Variants in MAGI1 observed in about 807,000 individuals in gnomAD.
The protein encoded by MAGI1 is membrane-associated guanylate kinase, WW and PDZ domain-containing protein 1.
A neutral mutation model predicts 139.9 loss-of-function variants in MAGI1; 58 were observed. The observed-to-expected ratio is 0.41, with a 90% confidence interval of 0.34 to 0.52. The LOEUF (loss-of-function observed/expected upper bound fraction) is 0.52. Among genes scored for constraint, MAGI1 ranks in the 20% least tolerant of loss-of-function variants. MAGI1 has a pLI of 0.12. For synonymous variants in MAGI1, 812 were observed against 737.9 expected (o/e 1.10, Z -1.63); for missense variants, 1,874 against 1,901.6 (o/e 0.99, Z 0.27).
At chr3:65,572,495 G>A (rs1559682615) in intron 2 of MAGI1, among the ~76,000 whole-genome samples, 1 of 152,146 alleles carries the variant, frequency 6.6e-6, no homozygotes. Flanking sequence ...TCCAGGGGAA[G>A]AAAGACTGCA....
chr3:65,391,510 A>C (rs1291681091), intron 13 of MAGI1, 152 bp from the exon 14 acceptor site: 1 of 640,600 alleles, frequency 1.6e-6, no homozygotes, highest in Admixed American at 2.8e-5. Context: ...GCTAATGCTG[A>C]ATGTAGATAA....
chr3:65,391,449 C>G, intron 13 of MAGI1, 91 bp from the exon 14 acceptor site: 1 of 1,007,266 alleles, frequency 9.9e-7, no homozygotes. Context: ...TTGTTTAGCA[C>G]TTTTGCATAC....
At chr3:65,898,635 G>A (rs1209799096) in intron 1 of MAGI1, among the ~76,000 whole-genome samples, 3 of 152,010 alleles carry the variant, frequency 2.0e-5, no homozygotes, top group African/African-American at 7.3e-5. Context: ...AGTATACAAA[G>A]TCCTTCAAAA....
At chr3:65,614,819 A>G (rs2083288646) in intron 2 of MAGI1, among the ~76,000 whole-genome samples, 1 of 152,112 alleles carries the variant, frequency 6.6e-6, no homozygotes, top group South Asian at 2.1e-4. Context: ...GCTCTAGATA[A>G]GCTGTAAGGA....
chr3:65,549,126 C>T (rs1361969018), intron 2 of MAGI1, among the ~76,000 whole-genome samples: 1 of 152,100 alleles, frequency 6.6e-6, no homozygotes, highest in Non-Finnish European at 1.5e-5. Context: ...AGATGCTCGC[C>T]CAAGAAACAT....
intron 1 of MAGI1, among the ~76,000 whole-genome samples, chr3:65,724,599 A>G (rs986541059): frequency 6.6e-6 from 1 of 152,226 alleles, no homozygotes; most frequent in Non-Finnish European, 1.5e-5. Context: ...CATTTGTTAA[A>G]TATATAAATG....
intron 1 of MAGI1, among the ~76,000 whole-genome samples, chr3:65,713,555 C>A (rs551056031): frequency 1.0e-3 from 153 of 152,272 alleles, no homozygotes; most frequent in African/African-American, 3.6e-3. Flanking sequence ...TAAGCCCCAA[C>A]AATTTTTGAG....
intron 1 of MAGI1, among the ~76,000 whole-genome samples, chr3:65,860,507 G>A (rs1284444473): frequency 6.6e-6 from 1 of 152,192 alleles, no homozygotes; most frequent in Non-Finnish European, 1.5e-5. Flanking sequence ...GGCAGCCCGC[G>A]CGTTCCCCTC....
intron 1 of MAGI1, among the ~76,000 whole-genome samples, chr3:65,693,609 C>T (rs1421306419): frequency 5.3e-5 from 8 of 152,164 alleles, no homozygotes; most frequent in African/African-American, 1.9e-4. Flanking sequence ...AAGAGGAATC[C>T]AGGTTAGCCT....
chr3:65,993,584 T>C (rs2066289541), intron 1 of MAGI1, among the ~76,000 whole-genome samples: 1 of 152,240 alleles, frequency 6.6e-6, no homozygotes. Flanking sequence ...TTCACCATTG[T>C]AGCCTTTACA....
At chr3:65,570,203 A>C (rs147747555) in intron 2 of MAGI1, among the ~76,000 whole-genome samples, 3,875 of 151,530 alleles carry the variant, frequency 0.026, 85 homozygotes, top group Admixed American at 0.049. Flanking sequence ...CCTGGGTTCA[A>C]GAGATTCTCC....
At chr3:65,722,551 T>G (rs1376341224) in intron 1 of MAGI1, among the ~76,000 whole-genome samples, 1 of 152,088 alleles carries the variant, frequency 6.6e-6, no homozygotes, top group Non-Finnish European at 1.5e-5. Context: ...GAGGATTGCT[T>G]GAGCCCAAGA....
intron 1 of MAGI1, among the ~76,000 whole-genome samples, chr3:66,018,903 C>T (rs552605851): frequency 1.1e-3 from 161 of 152,332 alleles, no homozygotes; most frequent in Non-Finnish European, 1.3e-3. Flanking sequence ...CATTGTTCCC[C>T]AGAACTGTTC....
chr3:65,729,010 T>C (rs1326739778), intron 1 of MAGI1, among the ~76,000 whole-genome samples: 1 of 151,414 alleles, frequency 6.6e-6, no homozygotes, highest in Non-Finnish European at 1.5e-5. Flanking sequence ...TTTGATCTGA[T>C]TAAATCAAGT....
At position 65,517,017 on chromosome 3, in the gene MAGI1, C is replaced by T. The variant is rs561821976; in HGVS notation, c.431-23386G>A. On this transcript the variant is annotated intron_variant, in intron 2 of 22. Transcript: ENST00000402939. ...TGCTGGGATTACAGGCGTGAGCCAC[C>T]GCGCCCGGCCCCATCCCACCTCTTT... is the stretch of plus-strand genomic sequence containing the variant. Among the ~76,000 whole-genome samples the T allele has an allele frequency of 2.7e-4, 41 of 151,726 alleles. 2 individuals carry two copies. In the South Asian group the frequency reaches 3.5e-3, roughly 13 times the overall value.
At chr3:65,769,736 G>A (rs1249848765) in intron 1 of MAGI1, among the ~76,000 whole-genome samples, 1 of 152,190 alleles carries the variant, frequency 6.6e-6, no homozygotes, top group Non-Finnish European at 1.5e-5. Context: ...GAAGATAAGT[G>A]TCTACCTGGG....
At chr3:65,986,200 T>C (rs1324067193) in intron 1 of MAGI1, among the ~76,000 whole-genome samples, 1 of 152,190 alleles carries the variant, frequency 6.6e-6, no homozygotes, top group Non-Finnish European at 1.5e-5. Context: ...ACATGAAACT[T>C]ATATACCATC....
chr3:65,472,595 C>T (rs1950617608), intron 4 of MAGI1, among the ~76,000 whole-genome samples: 1 of 152,168 alleles, frequency 6.6e-6, no homozygotes, highest in South Asian at 2.1e-4. Context: ...CCAGAATCAC[C>T]AGGACCTCCA....
At chr3:65,707,319 A>G (rs550776045) in intron 1 of MAGI1, among the ~76,000 whole-genome samples, 1 of 152,194 alleles carries the variant, frequency 6.6e-6, no homozygotes, top group South Asian at 2.1e-4. Context: ...AAACCATGCA[A>G]TTGAGATGGC....
Sources: gnomAD v4.1 joint callset for allele counts (sites outside exome capture counted in the v4.1 genomes callset) on GRCh38, gnomAD v4.1.1 for gene constraint, MANE v1.5 for transcripts, NCBI Gene and HGNC (gene_info 2026-07-23, HGNC 2026-07-21) for gene names.